The following PSD3 variants were observed in gnomAD, a reference collection of about 807,000 sequenced individuals.
PSD3 encodes the protein PH and SEC7 domain-containing protein 3.
In PSD3, 49 loss-of-function variants were observed where a neutral mutation model predicts 105.5. The ratio of observed to expected loss-of-function variants is 0.46; its 90% CI spans 0.37 to 0.59. PSD3 has a LOEUF of 0.59. Ranked by LOEUF, PSD3 falls within the 20% of genes least tolerant of loss-of-function variation. PSD3 has a pLI of 0.00. For synonymous variants in PSD3, 557 were observed against 457.8 expected (o/e 1.22, Z -2.77); for missense variants, 1,561 against 1,263.8 (o/e 1.24, Z -3.57).
At chr8:18,705,041 C>T (rs76582818) in intron 9 of PSD3, among the ~76,000 whole-genome samples, 1,789 of 152,134 alleles carry the variant, frequency 0.012, 27 homozygotes, top group East Asian at 0.034. Context: ...CTAATTTCAT[C>T]AGTCAAACTG....
chr8:18,840,688 C>A (rs531371020), intron 4 of PSD3, among the ~76,000 whole-genome samples: 2 of 152,284 alleles, frequency 1.3e-5, no homozygotes, highest in East Asian at 3.9e-4. Flanking sequence ...GAATGTGTAT[C>A]CAGGCAGTCT....
chr8:18,954,430 T>C (rs1823429911), intron 1 of PSD3, among the ~76,000 whole-genome samples: 1 of 152,182 alleles, frequency 6.6e-6, no homozygotes, highest in South Asian at 2.1e-4. Context: ...GAGGTACTCA[T>C]TCATTTTACT....
intron 2 of PSD3, among the ~76,000 whole-genome samples, chr8:18,901,305 T>C (rs1819487445): frequency 6.6e-6 from 1 of 152,228 alleles, no homozygotes; most frequent in Admixed American, 6.5e-5. Context: ...AAAACCTGTG[T>C]TGTTAATAGT....
At chr8:18,558,650 G>C (rs1801219739) in intron 14 of PSD3, among the ~76,000 whole-genome samples, 1 of 152,048 alleles carries the variant, frequency 6.6e-6, no homozygotes, top group Admixed American at 6.6e-5. Context: ...GTGAAACCCT[G>C]TCTCTACTAA....
At chr8:18,889,235 T>TCTTCAACTCCTATTCTACTCTA (rs1488140635) in intron 2 of PSD3, among the ~76,000 whole-genome samples, 1 of 152,186 alleles carries the variant, frequency 6.6e-6, no homozygotes, top group Non-Finnish European at 1.5e-5. Flanking sequence ...AGCAGTGCCA[T>TCTTCAACTCCTATTCTACTCTA]CTTCAACTCC....
intron 9 of PSD3, among the ~76,000 whole-genome samples, chr8:18,678,649 T>C (rs1800202371): frequency 6.6e-6 from 1 of 151,910 alleles, no homozygotes; most frequent in African/African-American, 2.4e-5. Context: ...CCGTCACTAT[T>C]AAAAATACAA....
chr8:18,616,807 T>C lies in PSD3; in HGVS notation c.2410+15806A>G, dbSNP rs12114497. ...CCCGGCTCATTTTTTGTATTTTTAG[T>C]AGAGACGGGGTTTCACCGTTTTAGC... On this transcript the variant is annotated intron_variant, in intron 11 of 15. Transcript: ENST00000327040. Among the ~76,000 whole-genome samples the C allele has an allele frequency of 4.9e-3, 745 of 151,436 alleles. 4 individuals carry two copies. The highest frequency in any genetic ancestry group is 0.017 in the African/African-American group (698 of 41,272).
At chr8:19,033,457 T>C (rs1827838431) in intron 1 of PSD3, among the ~76,000 whole-genome samples, 1 of 152,174 alleles carries the variant, frequency 6.6e-6, no homozygotes, top group East Asian at 1.9e-4. Flanking sequence ...GTGTTTCTCT[T>C]CCATTTCCAA....
chr8:18,992,907 T>C (rs1282957036), intron 1 of PSD3, among the ~76,000 whole-genome samples: 12 of 152,150 alleles, frequency 7.9e-5, no homozygotes, highest in Non-Finnish European at 1.6e-4. Flanking sequence ...AATCTCCAAC[T>C]TAATTGACAA....
intron 9 of PSD3, among the ~76,000 whole-genome samples, chr8:18,755,202 G>A (rs918418393): frequency 6.6e-6 from 1 of 152,054 alleles, no homozygotes; most frequent in Non-Finnish European, 1.5e-5. Context: ...GCCATGGTGG[G>A]CGGATCACTT....
chr8:18,818,858 T>A (rs968666782), intron 4 of PSD3, among the ~76,000 whole-genome samples: 3 of 151,960 alleles, frequency 2.0e-5, no homozygotes, highest in Admixed American at 6.6e-5. Context: ...TAAATTTAAA[T>A]AGGAATCCCC....
At chr8:18,671,775 G>A (rs1172800409) in intron 9 of PSD3, among the ~76,000 whole-genome samples, 1 of 152,026 alleles carries the variant, frequency 6.6e-6, no homozygotes, top group Non-Finnish European at 1.5e-5. Context: ...GGGACTATAG[G>A]TGCCCGCCAT....
At chr8:19,033,529 G>A (rs569979712) in intron 1 of PSD3, among the ~76,000 whole-genome samples, 1 of 150,782 alleles carries the variant, frequency 6.6e-6, no homozygotes, top group South Asian at 2.1e-4. Flanking sequence ...TTCCTTCTCT[G>A]CTTTGAGCTC....
At chr8:18,994,964 G>C (rs890518) in intron 1 of PSD3, among the ~76,000 whole-genome samples, 2 of 148,918 alleles carry the variant, frequency 1.3e-5, no homozygotes, top group East Asian at 2.0e-4. Flanking sequence ...TTTAAGTACC[G>C]CGTCCAGTCT....
chr8:18,939,504 A>C (rs1287994176), intron 1 of PSD3, among the ~76,000 whole-genome samples: 1 of 151,956 alleles, frequency 6.6e-6, no homozygotes, highest in Admixed American at 6.6e-5. Context: ...GTTATCAATA[A>C]AGAAACATAG....
At chr8:18,947,314 A>G (rs1822929506) in intron 1 of PSD3, among the ~76,000 whole-genome samples, 1 of 152,230 alleles carries the variant, frequency 6.6e-6, no homozygotes, top group African/African-American at 2.4e-5. Flanking sequence ...GGCAAAAAGC[A>G]AGCCTCGGTC....
At chr8:18,554,478 C>G (rs1021016604) in intron 15 of PSD3, among the ~76,000 whole-genome samples, 2 of 151,994 alleles carry the variant, frequency 1.3e-5, no homozygotes, top group African/African-American at 2.4e-5. Context: ...ATAAATAGTT[C>G]TCTTAGTAGA....
intron 9 of PSD3, among the ~76,000 whole-genome samples, chr8:18,736,615 C>A (rs932897443): frequency 1.3e-5 from 2 of 152,006 alleles, no homozygotes; most frequent in Non-Finnish European, 2.9e-5. Flanking sequence ...TAGTTCAACT[C>A]CAGGGAAATA....
chr8:18,594,899 T>C (rs180850122), intron 12 of PSD3, among the ~76,000 whole-genome samples: 1 of 152,154 alleles, frequency 6.6e-6, no homozygotes, highest in Non-Finnish European at 1.5e-5. Context: ...ACTTTTTTTT[T>C]CTGAATATTT....
Sources: allele counts gnomAD v4.1 joint callset (sites outside exome capture counted in the v4.1 genomes callset), GRCh38; gene constraint gnomAD v4.1.1; transcripts MANE v1.5; gene names NCBI Gene and HGNC (gene_info 2026-07-23, HGNC 2026-07-21).